Variants in WNK2 observed in about 807,000 individuals in gnomAD.
WNK2 encodes the protein WNK lysine deficient protein kinase 2.
WNK2 carries 67 observed loss-of-function variants against 192.1 expected under a neutral mutation model. The ratio of observed to expected loss-of-function variants is 0.35; its 90% CI spans 0.29 to 0.43. The LOEUF (loss-of-function observed/expected upper bound fraction) is 0.43, where lower values mean the gene tolerates loss of function less well. WNK2 is among the 20% of genes least tolerant of loss of function. The pLI is 1.00. For synonymous variants in WNK2, 1,439 were observed against 1,393.9 expected (o/e 1.03, Z -0.72); for missense variants, 2,698 against 3,089.7 (o/e 0.87, Z 3.01).
Position 93,258,957 on chromosome 9 carries a change from C to T in WNK2, c.2409C>T (p.Pro803=), listed in dbSNP as rs1164945567. 2.5e-6 allele frequency: 4 copies of T among 1,612,636 alleles called. No individual in the cohort carries two copies. The Admixed American group carries it at 5.0e-5, about 20-fold the overall frequency. The change falls in exon 12 of 30, where the codon CCC becomes CCT. Residue 803 remains proline, a synonymous_variant. Transcript: ENST00000427277. ...TGCCCCCGATTCCTGTTGTGCCCCCCATCACGCCCCTGGCGGGAATCGACG... is the reference window on the plus strand; with the variant it reads ...TGCCCCCGATTCCTGTTGTGCCCCCTATCACGCCCCTGGCGGGAATCGACG... ...PQMPPIPVVP[P]ITPLAGIDGL...
At position 93,239,771 on chromosome 9, in the gene WNK2, A is replaced by T; in HGVS notation, c.1337A>T (p.Asp446Val). The T allele has an allele frequency of 1.3e-6, 2 of 1,556,422 alleles. No individual in the cohort carries two copies. Among genetic ancestry groups the T allele is most frequent in the Non-Finnish European group, 1.7e-6 (2 of 1,150,026 alleles). Residue 446 changes from aspartate (D) to valine (V), a missense_variant, in exon 7 of 30, where the codon GAC becomes GTC. Asp to Val is a radical substitution (Grantham distance 152, BLOSUM62 -3). This residue lies in a region of WNK2 where 230 missense variants were observed against 501.1 expected (regional missense o/e 0.46). Coordinates refer to ENST00000427277, the MANE Select transcript of WNK2 (RefSeq NM_006648.4). This position sits in a 1 kb window ranked among gnomAD's most constrained non-coding sequence, Gnocchi z 4.2. ...KNKEERYEIK[D>V]LLSHAFFAED... is the part of the protein sequence containing the mutation. ...TCTCCCTCCAGGTACGAGATCAAAG[A>T]CCTGCTGAGCCACGCCTTCTTCGCA...
intron 28 of WNK2, among the ~76,000 whole-genome samples, chr9:93,312,280 C>T (rs1853798614): frequency 6.6e-6 from 1 of 152,178 alleles, no homozygotes. Flanking sequence ...AAATCACTGC[C>T]AAATCCAGTG....
chr9:93,283,379 T>A (rs1414015797), intron 19 of WNK2, among the ~76,000 whole-genome samples: 1 of 152,114 alleles, frequency 6.6e-6, no homozygotes, highest in Non-Finnish European at 1.5e-5. Flanking sequence ...TTGAAATGGC[T>A]CATAGCATTA....
At position 93,264,903 on chromosome 9, in the gene WNK2, G is replaced by C. The variant is rs1271636608; in HGVS notation, c.3696+870G>C. Among the ~76,000 whole-genome samples the C allele has an allele frequency of 2.6e-5, 4 of 152,324 alleles. 1 individual carries two copies. The Middle Eastern group carries it at 0.014, about 518-fold the overall frequency. On this transcript the variant is annotated intron_variant, in intron 16 of 29. Coordinates refer to ENST00000427277, the MANE Select transcript of WNK2 (RefSeq NM_006648.4). ...TAGATTGCCCCACGTGCCTGCCTGC[G>C]GCTGCTGCATTGCACATCATCAGAA...
rs56082314 is a variant in WNK2 at position 93,248,654 on chromosome 9, A to G, written c.1834+820A>G. Among the ~76,000 whole-genome samples, 539 of 152,210 alleles carry G rather than the reference A, an allele frequency of 3.5e-3. 2 individuals carry two copies. The highest frequency in any genetic ancestry group is 0.012 in the African/African-American group (489 of 41,528). On this transcript the variant is annotated intron_variant, in intron 8 of 29. Coordinates refer to ENST00000427277, the MANE Select transcript of WNK2 (RefSeq NM_006648.4). ...GCAGAACCTTTGGGACCTTTTGTACATTTTCAGTAGGGTGTTACTGATGAA... is the reference window on the plus strand; with the variant it reads ...GCAGAACCTTTGGGACCTTTTGTACGTTTTCAGTAGGGTGTTACTGATGAA...
At chr9:93,293,249 G>C (rs1019538789) in intron 23 of WNK2, 76 bp downstream of exon 23, 27 of 1,359,564 alleles carry the variant, frequency 2.0e-5, no homozygotes, top group Admixed American at 3.4e-5. Context: ...GGGAACCCTG[G>C]TGCCGGGGCT....
In WNK2 at chr9:93,292,810, C is replaced by T; in HGVS notation, c.5345C>T (p.Pro1782Leu). 6.5e-7 allele frequency: 1 copy of T among 1,536,432 alleles called. No homozygotes were observed. The highest frequency in any genetic ancestry group is 8.8e-7 in the Non-Finnish European group (1 of 1,140,606). The change falls in exon 23 of 30, where the codon CCC becomes CTC. Residue 1782 changes from proline to leucine, a missense_variant. Around this residue, in one of 7 missense-constraint regions of WNK2, gnomAD observed 1,098 missense variants for 1,101.0 expected, o/e 1.00. Transcript: ENST00000427277. ...DVYLDEAPSS[P>L]DVKLAVRRAQ... ...TACCTGGACGAGGCCCCCTCCAGCCCCGACGTGAAGCTGGCAGTGCGGCGG... is the reference window on the plus strand; with the variant it reads ...TACCTGGACGAGGCCCCCTCCAGCCTCGACGTGAAGCTGGCAGTGCGGCGG...
chr9:93,203,574 C>T (rs976975825), intron 2 of WNK2, among the ~76,000 whole-genome samples: 3 of 152,140 alleles, frequency 2.0e-5, no homozygotes, highest in Admixed American at 6.5e-5. Context: ...AGTCTGTGGA[C>T]GTGCCACTGC....
chr9:93,307,046 G>A (rs531418879), intron 27 of WNK2: 8 of 597,728 alleles, frequency 1.3e-5, no homozygotes, highest in South Asian at 9.7e-5. Flanking sequence ...GTGCGGTCTC[G>A]CCAGTTCACA....
intron 19 of WNK2, among the ~76,000 whole-genome samples, chr9:93,272,652 C>G (rs1588349826): frequency 1.4e-5 from 2 of 146,926 alleles, no homozygotes; most frequent in East Asian, 2.1e-4. Context: ...GCAGGAGAAT[C>G]ACTTGAACCC....
At chr9:93,316,788 C>T (rs1854748160) in intron 28 of WNK2, 1 of 152,684 alleles carries the variant, frequency 6.5e-6, no homozygotes, top group Non-Finnish European at 1.5e-5. Context: ...CATGGAGGCA[C>T]CTTGGGGAGG....
intron 7 of WNK2, among the ~76,000 whole-genome samples, chr9:93,244,587 T>A (rs909193623): frequency 6.6e-6 from 1 of 152,212 alleles, no homozygotes; most frequent in Non-Finnish European, 1.5e-5. Context: ...CAGGAGGACG[T>A]GGCCTTGGCA....
chr9:93,227,789 C>T (rs534349665), intron 2 of WNK2, among the ~76,000 whole-genome samples: 14 of 152,274 alleles, frequency 9.2e-5, no homozygotes, highest in East Asian at 7.7e-4. Context: ...TGTGAGCCAC[C>T]GCACCTGGCT....
intron 2 of WNK2, among the ~76,000 whole-genome samples, chr9:93,203,231 G>T (rs1832795298): frequency 6.6e-6 from 1 of 152,202 alleles, no homozygotes; most frequent in Non-Finnish European, 1.5e-5. Flanking sequence ...GCTGCAATGA[G>T]GCCCCCTGGG....
At chr9:93,213,189 A>G (rs764195787) in intron 2 of WNK2, among the ~76,000 whole-genome samples, 4 of 152,178 alleles carry the variant, frequency 2.6e-5, no homozygotes, top group East Asian at 1.9e-4. Flanking sequence ...TGCTTCTGCA[A>G]TGGGCACATC....
At chr9:93,293,297 A>G in intron 23 of WNK2, 124 bp downstream of exon 23, 4 of 884,218 alleles carry the variant, frequency 4.5e-6, no homozygotes, top group Non-Finnish European at 6.3e-6. Context: ...GGAGCTGCCA[A>G]GCAGGGACAG....
At chr9:93,318,686 ATGGAGACCTG>A in intron 29 of WNK2, 1 of 1,485,562 alleles carries the variant, frequency 6.7e-7, no homozygotes, top group Non-Finnish European at 9.0e-7. Flanking sequence ...CATGATTTCC[ATGGAGACCTG>A]TGGCTCTGCT....
intron 21 of WNK2, among the ~76,000 whole-genome samples, chr9:93,292,032 G>A (rs753076749): frequency 7.9e-5 from 12 of 152,222 alleles, no homozygotes; most frequent in Non-Finnish European, 1.0e-4. Context: ...GAGGGTGCCC[G>A]GGGCTGACGC....
chr9:93,297,078 T>C (rs534671892), intron 23 of WNK2, among the ~76,000 whole-genome samples: 1 of 83,666 alleles, frequency 1.2e-5, no homozygotes, highest in Admixed American at 1.2e-4. Context: ...CCACATCCTC[T>C]TCTCGGCTTC....
Sources: gnomAD v4.1 joint callset for allele counts (sites outside exome capture counted in the v4.1 genomes callset) on GRCh38, gnomAD v4.1.1 for gene constraint, gnomAD v4.1.1 regional missense constraint, Gnocchi (gnomAD v3.1) non-coding constraint, MANE v1.5 for transcripts, NCBI Gene and HGNC (gene_info 2026-07-23, HGNC 2026-07-21) for gene names.